The following PTPRD variants were observed in gnomAD, a reference collection of about 807,000 sequenced individuals.
The protein encoded by PTPRD is protein tyrosine phosphatase receptor type D, also known as receptor-type tyrosine-protein phosphatase delta.
A neutral mutation model predicts 214.5 loss-of-function variants in PTPRD; 34 were observed. That is an observed-to-expected ratio of 0.16 (90% CI 0.12 to 0.21). The LOEUF (loss-of-function observed/expected upper bound fraction) is 0.21, where lower values mean the gene tolerates loss of function less well. Among genes scored for constraint, PTPRD ranks in the 10% least tolerant of loss-of-function variants. The pLI, the probability that PTPRD is intolerant of heterozygous loss-of-function variation, is 1.00. For missense variants in PTPRD, 2,545 were observed against 2,398.7 expected (o/e 1.06, Z -1.27); for synonymous variants, 1,128 against 845.7 (o/e 1.33, Z -5.79).
intron 4 of PTPRD, among the ~76,000 whole-genome samples, chr9:9,940,264 C>G (rs7871307): frequency 6.6e-6 from 1 of 152,058 alleles, no homozygotes; most frequent in Non-Finnish European, 1.5e-5. Flanking sequence ...AGATGGAAGT[C>G]TGAGGATAAA....
At chr9:8,827,143 A>G (rs911912713) in intron 11 of PTPRD, among the ~76,000 whole-genome samples, 1 of 150,684 alleles carries the variant, frequency 6.6e-6, no homozygotes, top group African/African-American at 2.4e-5. Context: ...AAATATTATC[A>G]TACTAAATTG....
chr9:9,019,592 G>A (rs2099555126), intron 10 of PTPRD, among the ~76,000 whole-genome samples: 1 of 152,112 alleles, frequency 6.6e-6, no homozygotes, highest in African/African-American at 2.4e-5. Context: ...TGTAATCCCA[G>A]CTACTCAGGA....
intron 5 of PTPRD, among the ~76,000 whole-genome samples, chr9:9,897,244 G>A (rs906349821): frequency 6.6e-6 from 1 of 151,822 alleles, no homozygotes; most frequent in Non-Finnish European, 1.5e-5. Context: ...AGAGGCAGAG[G>A]TATGAGTTTT....
chr9:9,363,734 C>T (rs146751567), intron 9 of PTPRD, among the ~76,000 whole-genome samples: 3 of 151,296 alleles, frequency 2.0e-5, no homozygotes, highest in Non-Finnish European at 4.4e-5. Flanking sequence ...TCTAAGAGAG[C>T]TTTGTGAGCC....
chr9:9,620,074 T>C (rs1485829085), intron 7 of PTPRD, among the ~76,000 whole-genome samples: 4 of 152,002 alleles, frequency 2.6e-5, no homozygotes, highest in Non-Finnish European at 5.9e-5. Flanking sequence ...TTCCTTGGCA[T>C]TGAAGTCCTT....
intron 9 of PTPRD, among the ~76,000 whole-genome samples, chr9:9,371,409 T>C (rs1441294408): frequency 6.6e-6 from 1 of 152,216 alleles, no homozygotes; most frequent in Non-Finnish European, 1.5e-5. Context: ...TAGAGGTGTT[T>C]ATAGTATTCT....
At chr9:10,483,394 C>T (rs1406399670) in intron 2 of PTPRD, among the ~76,000 whole-genome samples, 1 of 151,576 alleles carries the variant, frequency 6.6e-6, no homozygotes, top group Non-Finnish European at 1.5e-5. Flanking sequence ...TGATGAAGAC[C>T]CCAAAAGCAA....
At chr9:8,455,743 A>C (rs1197185079) in intron 33 of PTPRD, among the ~76,000 whole-genome samples, 1 of 152,244 alleles carries the variant, frequency 6.6e-6, no homozygotes, top group Non-Finnish European at 1.5e-5. Context: ...CAGGTTAAAA[A>C]GAATTCTATA....
intron 14 of PTPRD, among the ~76,000 whole-genome samples, chr9:8,607,130 T>C (rs982361311): frequency 7.9e-5 from 12 of 152,162 alleles, no homozygotes; most frequent in African/African-American, 2.2e-4. Flanking sequence ...ATGGTGAGTA[T>C]AGTTAATATT....
chr9:9,464,650 T>C (rs1463139348), intron 8 of PTPRD, among the ~76,000 whole-genome samples: 1 of 152,110 alleles, frequency 6.6e-6, no homozygotes, highest in Admixed American at 6.6e-5. Flanking sequence ...CATTGGAGAG[T>C]CTATCAAATT....
chr9:8,656,460 T>G lies in PTPRD; in HGVS notation c.65-19616A>C, dbSNP rs2096911132. Among the ~76,000 whole-genome samples, 4 of 152,284 alleles carry G rather than the reference T, an allele frequency of 2.6e-5. No individual in the cohort carries two copies. The South Asian group carries it at 8.3e-4, about 32-fold the overall frequency. ...CTCATGTATCACTGTTTGGCCTCTC[T>G]CATGGCCAGAAGTAGATTTACCTTG... On this transcript the variant is annotated intron_variant, in intron 12 of 45. Coordinates refer to ENST00000381196, the MANE Select transcript of PTPRD (RefSeq NM_002839.4).
intron 11 of PTPRD, among the ~76,000 whole-genome samples, chr9:8,976,842 T>G (rs1324171159): frequency 2.6e-5 from 4 of 152,122 alleles, no homozygotes; most frequent in Non-Finnish European, 5.9e-5. Context: ...TACACTGTAC[T>G]TGCCTGTTAA....
chr9:9,648,191 G>C (rs1192179435), intron 7 of PTPRD, among the ~76,000 whole-genome samples: 1 of 151,316 alleles, frequency 6.6e-6, no homozygotes, highest in African/African-American at 2.4e-5. Context: ...TCACTTATTT[G>C]AATCTATGTA....
At chr9:9,933,773 A>G (rs2087873878) in intron 5 of PTPRD, among the ~76,000 whole-genome samples, 1 of 149,306 alleles carries the variant, frequency 6.7e-6, no homozygotes, top group Non-Finnish European at 1.5e-5. Flanking sequence ...AACAGAATAT[A>G]CATTTTTTTC....
chr9:8,543,601 G>C (rs1228542530), intron 14 of PTPRD, among the ~76,000 whole-genome samples: 1 of 152,172 alleles, frequency 6.6e-6, no homozygotes, highest in African/African-American at 2.4e-5. Flanking sequence ...TACACGACAG[G>C]TTTTGTGAGC....
At chr9:9,310,597 C>T (rs960423332) in intron 9 of PTPRD, among the ~76,000 whole-genome samples, 18 of 152,096 alleles carry the variant, frequency 1.2e-4, no homozygotes, top group African/African-American at 4.3e-4. Context: ...TGAATGCCTA[C>T]TATATGTAAA....
chr9:8,665,638 C>T (rs1418213467), intron 12 of PTPRD, among the ~76,000 whole-genome samples: 2 of 152,116 alleles, frequency 1.3e-5, no homozygotes, highest in Non-Finnish European at 2.9e-5. Context: ...ACACTTACTG[C>T]CAAATCTGTT....
At chr9:10,027,460 G>A (rs1284261331) in intron 4 of PTPRD, among the ~76,000 whole-genome samples, 2 of 152,124 alleles carry the variant, frequency 1.3e-5, no homozygotes, top group Non-Finnish European at 2.9e-5. Context: ...AGTATTTTGG[G>A]TCTGCTAAGT....
chr9:9,646,447 G>C (rs2096179766), intron 7 of PTPRD, among the ~76,000 whole-genome samples: 1 of 151,888 alleles, frequency 6.6e-6, no homozygotes, highest in Non-Finnish European at 1.5e-5. Context: ...CCAGTCCTTT[G>C]AAGGAAATCT....
Sources: allele counts gnomAD v4.1 joint callset (sites outside exome capture counted in the v4.1 genomes callset), GRCh38; gene constraint gnomAD v4.1.1; transcripts MANE v1.5; gene names NCBI Gene and HGNC (gene_info 2026-07-23, HGNC 2026-07-21).